LIMD1: variants seen among roughly 807,000 people sequenced by gnomAD.
LIMD1 encodes the protein LIM domain containing 1.
A neutral mutation model predicts 58.4 loss-of-function variants in LIMD1; 23 were observed. That is an observed-to-expected ratio of 0.39 (90% CI 0.28 to 0.56). The LOEUF is 0.56. Ranked by LOEUF, LIMD1 falls within the 20% of genes least tolerant of loss-of-function variation. LIMD1 has a pLI of 0.57. For missense variants in LIMD1, 838 were observed against 855.5 expected, an observed-to-expected ratio of 0.98 and a Z score of 0.25; for synonymous variants, 334 against 345.5, an observed-to-expected ratio of 0.97 and a Z score of 0.37.
chr3:45,621,663 C>T (rs76777762), intron 1 of LIMD1, among the ~76,000 whole-genome samples: 7,118 of 152,192 alleles, frequency 0.047, 202 homozygotes, highest in East Asian at 0.14. Flanking sequence ...TTCTATTTTT[C>T]GTATTTAAGT....
intron 1 of LIMD1, 154 bp from the exon 2 acceptor site, chr3:45,635,996 G>A: frequency 2.0e-6 from 2 of 985,320 alleles, no homozygotes; most frequent in Non-Finnish European, 2.4e-6. Flanking sequence ...CAGAGGGAGA[G>A]GGAGAGAAAG....
At chr3:45,631,382 GT>G (rs1240880048) in intron 1 of LIMD1, among the ~76,000 whole-genome samples, 3 of 152,024 alleles carry the variant, frequency 2.0e-5, no homozygotes, top group Non-Finnish European at 4.4e-5. Flanking sequence ...GTGAAATGCA[GT>G]TTTTTTCCCT....
At chr3:45,668,499 C>G in intron 4 of LIMD1, 143 bp downstream of exon 4, 1 of 612,480 alleles carries the variant, frequency 1.6e-6, no homozygotes, top group Admixed American at 2.6e-5. Flanking sequence ...GCCTGTAATC[C>G]CAGCACTTTG....
At chr3:45,643,414 G>A (rs548705667) in intron 2 of LIMD1, among the ~76,000 whole-genome samples, 5 of 152,088 alleles carry the variant, frequency 3.3e-5, no homozygotes, top group African/African-American at 9.6e-5. Flanking sequence ...GAACCCAGGA[G>A]GCGGAGTTTT....
In LIMD1 at chr3:45,646,334, G is replaced by A. The variant is rs555463001; in HGVS notation, c.1510+10083G>A. Among the ~76,000 whole-genome samples the A allele has an allele frequency of 5.3e-5, 8 of 152,342 alleles. No homozygotes were observed. In the East Asian group the frequency reaches 1.5e-3, roughly 29 times the overall value. On this transcript the variant is annotated intron_variant, in intron 2 of 7. Coordinates refer to ENST00000273317, the MANE Select transcript of LIMD1 (RefSeq NM_014240.3). ...GCAGTGCCGACCTCTGCCTCTGCCT[G>A]CAGAGATCCTGATTTCTGAGATCTG... is the stretch of plus-strand genomic sequence containing the variant.
chr3:45,623,881 G>A (rs749306610), intron 1 of LIMD1, among the ~76,000 whole-genome samples: 11 of 152,150 alleles, frequency 7.2e-5, no homozygotes, highest in Non-Finnish European at 1.5e-4. Flanking sequence ...TTGGGCATTC[G>A]CACATCGATT....
chr3:45,608,062 T>C (rs1401316700), intron 1 of LIMD1, among the ~76,000 whole-genome samples: 3 of 152,278 alleles, frequency 2.0e-5, no homozygotes, highest in Non-Finnish European at 2.9e-5. Context: ...GCAGCTCAGC[T>C]GCTGGCCATG....
At chr3:45,635,535 T>A (rs185414816) in intron 1 of LIMD1, among the ~76,000 whole-genome samples, 1 of 151,940 alleles carries the variant, frequency 6.6e-6, no homozygotes, top group Admixed American at 6.6e-5. Context: ...GTGATATACT[T>A]TTTGTAAAAA....
chr3:45,601,943 CTT>C (rs534236802), intron 1 of LIMD1, among the ~76,000 whole-genome samples: 6 of 141,568 alleles, frequency 4.2e-5, no homozygotes, highest in Admixed American at 7.0e-5. Context: ...AGGCTGTGGA[CTT>C]TTTTTTTTTT....
At position 45,595,217 on chromosome 3, in the gene LIMD1, C is replaced by T; in HGVS notation, c.338C>T (p.Ala113Val). Residue 113 changes from alanine (A) to valine (V), a missense_variant, in exon 1 of 8, where the codon GCA becomes GTA. By Grantham distance (64) the Ala-to-Val change is moderately conservative. Coordinates refer to ENST00000273317, the MANE Select transcript of LIMD1 (RefSeq NM_014240.3). ...AKPPLAASTGAPGAVTTLAAG... is the reference protein window; with the variant it reads ...AKPPLAASTGVPGAVTTLAAG... The stretch of plus-strand genomic sequence containing the variant: ...CCTCCTCTTGCTGCCTCGACAGGGG[C>T]ACCTGGGGCAGTCACCACCCTCGCT... The T allele has an allele frequency of 6.2e-7, 1 of 1,601,826 alleles. No individual in the cohort carries two copies. The highest frequency in any genetic ancestry group is 8.5e-7 in the Non-Finnish European group (1 of 1,173,858).
chr3:45,594,795 A>ACACACACACACACACACACACACAC lies in LIMD1; in HGVS notation c.-84_-60dup, dbSNP rs1559510549. On this transcript the variant is annotated 5_prime_UTR_variant, in exon 1 of 8. Coordinates refer to ENST00000273317, the MANE Select transcript of LIMD1 (RefSeq NM_014240.3). Reference sequence around the variant, plus strand: ...CTGCCCTCAACACACACACACACACACACACACACACACACACACACACAC... The same window carrying ACACACACACACACACACACACACAC: ...CTGCCCTCAACACACACACACACACACACACACACACACACACACACACACCACACACACACACACACACACACAC... 405 of 112,902 alleles carry ACACACACACACACACACACACACAC rather than the reference A, an allele frequency of 3.6e-3. 4 individuals carry two copies. The highest frequency in any genetic ancestry group is 0.032 in the East Asian group (86 of 2,666). 7.0% of individuals were successfully genotyped at this position (112,902 alleles called of 1,614,324 possible). A position where few individuals can be genotyped will look rare whatever the true frequency, so the allele number is the denominator to read the frequency against.
At chr3:45,663,621 C>T (rs1478065029) in intron 2 of LIMD1, among the ~76,000 whole-genome samples, 1 of 152,142 alleles carries the variant, frequency 6.6e-6, no homozygotes. Flanking sequence ...AACAGGTTTT[C>T]TATTCTATGC....
Position 45,627,706 on chromosome 3 carries a change from C to A in LIMD1, c.1409-8444C>A, listed in dbSNP as rs1311609153. ...GGATGAACCTCCTGCCTAAAACAACCAAAAAAAAAAAAAAAAAAAGGCCAG... is the reference window on the plus strand; with the variant it reads ...GGATGAACCTCCTGCCTAAAACAACAAAAAAAAAAAAAAAAAAAAGGCCAG... On this transcript the variant is annotated intron_variant, in intron 1 of 7. Coordinates refer to ENST00000273317, the MANE Select transcript of LIMD1 (RefSeq NM_014240.3). Among the ~76,000 whole-genome samples the A allele has an allele frequency of 6.2e-3, 605 of 97,062 alleles. 4 individuals carry two copies. The highest frequency in any genetic ancestry group is 0.019 in the African/African-American group (475 of 25,530). 63.7% of individuals were successfully genotyped at this position (97,062 alleles called of 152,430 possible).
intron 1 of LIMD1, among the ~76,000 whole-genome samples, chr3:45,632,101 T>C (rs528276998): frequency 1.3e-5 from 2 of 152,296 alleles, no homozygotes; most frequent in East Asian, 3.9e-4. Flanking sequence ...ACACCACGTT[T>C]GTGAGCAGAA....
At chr3:45,669,449 G>C (rs1189073578) in intron 4 of LIMD1, among the ~76,000 whole-genome samples, 1 of 152,110 alleles carries the variant, frequency 6.6e-6, no homozygotes, top group East Asian at 1.9e-4. Flanking sequence ...AACTCATAGA[G>C]TAAAAGATAC....
intron 1 of LIMD1, among the ~76,000 whole-genome samples, chr3:45,616,450 C>G (rs569668022): frequency 1.6e-4 from 24 of 152,312 alleles, no homozygotes; most frequent in African/African-American, 5.8e-4. Context: ...GGTCACATCC[C>G]TCCTGGGCTT....
chr3:45,617,449 C>T (rs1276759605), intron 1 of LIMD1, among the ~76,000 whole-genome samples: 1 of 152,200 alleles, frequency 6.6e-6, no homozygotes, highest in Admixed American at 6.5e-5. Flanking sequence ...ATGTTAAACT[C>T]TCCATTTTAT....
chr3:45,654,849 T>C (rs1371985133), intron 2 of LIMD1, among the ~76,000 whole-genome samples: 1 of 143,994 alleles, frequency 6.9e-6, no homozygotes, highest in Non-Finnish European at 1.5e-5. Context: ...AAAGAAAAAA[T>C]TCATTCACTA....
At chr3:45,655,582 C>T (rs899408147) in intron 2 of LIMD1, among the ~76,000 whole-genome samples, 14 of 152,182 alleles carry the variant, frequency 9.2e-5, no homozygotes, top group Non-Finnish European at 1.6e-4. Context: ...GGACTAGCAC[C>T]ATCAGCATCA....
Sources: gnomAD v4.1 joint callset for allele counts (sites outside exome capture counted in the v4.1 genomes callset) on GRCh38, gnomAD v4.1.1 for gene constraint, MANE v1.5 for transcripts, NCBI Gene and HGNC (gene_info 2026-07-23, HGNC 2026-07-21) for gene names.